SEMA4D: variants seen among roughly 807,000 people sequenced by gnomAD.
SEMA4D encodes semaphorin-4D.
A neutral mutation model predicts 74.8 loss-of-function variants in SEMA4D; 22 were observed. The ratio of observed to expected loss-of-function variants is 0.29; its 90% CI spans 0.21 to 0.42. The LOEUF (loss-of-function observed/expected upper bound fraction) is 0.42. SEMA4D is among the 10% of genes least tolerant of loss of function. The pLI is 1.00. For synonymous variants in SEMA4D, 445 were observed against 463.7 expected (o/e 0.96, Z 0.52); for missense variants, 937 against 1,118.4 (o/e 0.84, Z 2.31).
At chr9:89,367,051 G>A (rs57508581) in intron 16 of SEMA4D, 3,800 of 152,546 alleles carry the variant, frequency 0.025, 158 homozygotes, top group East Asian at 0.16. Flanking sequence ...ACTGCTAACA[G>A]GCATCAGTAA....
At chr9:89,481,022 A>G (rs1427619898) in intron 1 of SEMA4D, among the ~76,000 whole-genome samples, 1 of 152,222 alleles carries the variant, frequency 6.6e-6, no homozygotes, top group Admixed American at 6.5e-5. Context: ...GCTAAAAGTA[A>G]CACGTCTTGT....
At chr9:89,465,767 C>T (rs1339049669) in intron 1 of SEMA4D, among the ~76,000 whole-genome samples, 1 of 152,230 alleles carries the variant, frequency 6.6e-6, no homozygotes, top group Non-Finnish European at 1.5e-5. Flanking sequence ...GGATTATTTG[C>T]ATTGCCTTCG....
At chr9:89,423,317 A>G (rs965517404) in intron 2 of SEMA4D, among the ~76,000 whole-genome samples, 4 of 151,602 alleles carry the variant, frequency 2.6e-5, no homozygotes, top group African/African-American at 9.7e-5. Flanking sequence ...TCAGCCTCCC[A>G]AGTAGTTGGG....
intron 2 of SEMA4D, among the ~76,000 whole-genome samples, chr9:89,437,058 G>A (rs1188429083): frequency 6.6e-6 from 1 of 152,248 alleles, no homozygotes; most frequent in Non-Finnish European, 1.5e-5. Context: ...AACTTGGGAG[G>A]TGAGCATGCA....
chr9:89,449,664 G>A, intron 2 of SEMA4D: 1 of 1,501,296 alleles, frequency 6.7e-7, no homozygotes, highest in Admixed American at 1.7e-5. Context: ...TCGGTCCTTG[G>A]TGGACGCATC....
exon 17 of SEMA4D, chr9:89,363,834 C>T: frequency 6.2e-7 from 1 of 1,614,182 alleles, no homozygotes; most frequent in Non-Finnish European, 8.5e-7. Flanking sequence ...CTGATGGCGT[C>T]CTGCAGCCAG....
At chr9:89,410,087 T>TAGGGTGGGGGGGGGGGGGGGGGGGGG (rs1844195690) in intron 2 of SEMA4D, among the ~76,000 whole-genome samples, 1 of 7,796 alleles carries the variant, frequency 1.3e-4, no homozygotes, top group African/African-American at 5.5e-4. Context: ...GGGTGGGCGG[T>TAGGGTGGGGGGGGGGGGGGGGGGGGG]GGGGTAAGGT....
intron 2 of SEMA4D, among the ~76,000 whole-genome samples, chr9:89,437,040 T>TA (rs1351917372): frequency 1.3e-5 from 2 of 152,202 alleles, no homozygotes; most frequent in Admixed American, 6.5e-5. Flanking sequence ...GAGGTAGCAA[T>TA]GAGGGCAAAC....
At chr9:89,477,689 G>GA (rs1325469469) in intron 1 of SEMA4D, among the ~76,000 whole-genome samples, 4 of 152,162 alleles carry the variant, frequency 2.6e-5, no homozygotes, top group Non-Finnish European at 4.4e-5. Flanking sequence ...AAATCGCAGA[G>GA]AAAAAAATTC....
intron 1 of SEMA4D, among the ~76,000 whole-genome samples, chr9:89,467,590 G>A (rs1206005326): frequency 6.7e-6 from 1 of 149,778 alleles, no homozygotes; most frequent in African/African-American, 2.5e-5. Context: ...GGAGTGCAGT[G>A]GTACAATCTC....
In SEMA4D at chr9:89,377,419, A is replaced by C. The variant is rs770996148; in HGVS notation, c.*1285T>G. 5.8e-6 allele frequency: 1 copy of C among 172,170 alleles called. No homozygotes were observed. Among genetic ancestry groups the C allele is most frequent in the Admixed American group, 6.3e-5 (1 of 15,874 alleles). The allele number at this position is 172,170 out of a possible 1,614,324, so 10.7% of individuals were successfully genotyped here. A position where few individuals can be genotyped will look rare whatever the true frequency, so the allele number is the denominator to read the frequency against. ...AAACATCCAGAGTTTATTGCTCTTC[A>C]CCATGGAAAAAAAGTCTCTTCCCGA... is the stretch of plus-strand genomic sequence containing the variant. On this transcript the variant is annotated 3_prime_UTR_variant, in exon 16 of 16. Transcript: ENST00000422704.
intron 18 of SEMA4D, among the ~76,000 whole-genome samples, chr9:89,362,698 G>GT (rs1832884125): frequency 6.6e-6 from 1 of 152,268 alleles, no homozygotes; most frequent in Non-Finnish European, 1.5e-5. Flanking sequence ...GTGTGCTGAA[G>GT]TACAGAGGAT....
chr9:89,373,499 G>T (rs145107474), downstream of SEMA4D, among the ~76,000 whole-genome samples: 4 of 152,302 alleles, frequency 2.6e-5, no homozygotes, highest in African/African-American at 9.6e-5. Context: ...TCTGGGGGGT[G>T]AGACGCTCCC....
At chr9:89,455,590 T>TCAC (rs1855744220) in intron 2 of SEMA4D, among the ~76,000 whole-genome samples, 1 of 152,112 alleles carries the variant, frequency 6.6e-6, no homozygotes, top group East Asian at 1.9e-4. Context: ...GGTACTGGGC[T>TCAC]CACCACCAAA....
Position 89,402,964 on chromosome 9 carries a change from C to T in SEMA4D, c.159G>A (p.Leu53=). ...HEPDIYNYSA[L]LLSEDKDTLY... ...AGGTGTCCTTGTCCTCGCTCAGCAG[C>T]AAGGCTGAGTAGTTGTAGATGTCTG... Residue 53 remains leucine, a synonymous_variant, in exon 4 of 16, where the codon TTG becomes TTA. Transcript: ENST00000422704. 1 of 1,613,896 alleles carries T rather than the reference C, an allele frequency of 6.2e-7. No individual in the cohort carries two copies. Among genetic ancestry groups the T allele is most frequent in the Non-Finnish European group, 8.5e-7 (1 of 1,179,732 alleles).
In SEMA4D at chr9:89,391,741, G is replaced by GC. The variant is rs555016447; in HGVS notation, c.623-327dup. ...GAAGGCAGGGAGCCAGATGGTACCA[G>GC]CATCAGAGACCTACGTAAGGCATGC... On this transcript the variant is annotated intron_variant, in intron 8 of 15. Coordinates refer to ENST00000422704, the MANE Select transcript of SEMA4D (RefSeq NM_001371194.2). Among the ~76,000 whole-genome samples, 214 of 152,348 alleles carry GC rather than the reference G, an allele frequency of 1.4e-3. 2 individuals carry two copies. The highest frequency in any genetic ancestry group is 4.7e-3 in the African/African-American group (194 of 41,574).
At chr9:89,393,441 T>G in intron 7 of SEMA4D, 121 bp downstream of exon 7, 1 of 772,540 alleles carries the variant, frequency 1.3e-6, no homozygotes, top group East Asian at 2.5e-5. Flanking sequence ...TTTGTAAGGA[T>G]AGCTCCTATT....
At chr9:89,385,605 G>A (rs1838264231) in intron 13 of SEMA4D, 1 of 979,870 alleles carries the variant, frequency 1.0e-6, no homozygotes, top group Admixed American at 6.2e-5. Flanking sequence ...GCAGAGGGGA[G>A]GTGACCACGT....
At chr9:89,446,442 C>T (rs1018744692) in intron 2 of SEMA4D, among the ~76,000 whole-genome samples, 2 of 152,222 alleles carry the variant, frequency 1.3e-5, no homozygotes, top group Non-Finnish European at 2.9e-5. Context: ...AAAAAAAACC[C>T]TGAGACTGAC....
Sources: allele counts gnomAD v4.1 joint callset (sites outside exome capture counted in the v4.1 genomes callset), GRCh38; gene constraint gnomAD v4.1.1; transcripts MANE v1.5; gene names NCBI Gene and HGNC (gene_info 2026-07-23, HGNC 2026-07-21).